Variants in ANOS1 observed in about 807,000 individuals in gnomAD.
ANOS1 encodes the protein anosmin-1.
Under a neutral mutation model 59.0 loss-of-function variants are expected in ANOS1, and 6 were observed. That is an observed-to-expected ratio of 0.10 (90% CI 0.06 to 0.20). The LOEUF is 0.20. Among genes scored for constraint, ANOS1 ranks in the 10% least tolerant of loss-of-function variants. The pLI is 1.00. For synonymous variants in ANOS1, 217 were observed against 223.4 expected, an observed-to-expected ratio of 0.97 and a Z score of 0.25; for missense variants, 433 against 542.3, an observed-to-expected ratio of 0.80 and a Z score of 2.00.
intron 2 of ANOS1, among the ~76,000 whole-genome samples, chrX:8,684,454 A>G (rs1200154467): frequency 1.8e-5 from 2 of 111,466 alleles, no homozygotes; most frequent in Middle Eastern, 4.2e-3. Context: ...GAGTCGGTAC[A>G]CTGTGCTCAC....
chrX:8,565,859 T>A (rs1930102579), intron 8 of ANOS1: 1 of 199,279 alleles, frequency 5.0e-6, no homozygotes, highest in Non-Finnish European at 7.5e-6. Flanking sequence ...GGGGAGGTGC[T>A]AAGTGGGTGG....
rs772817371 is a variant in ANOS1 at position 8,614,239 on chromosome X, G to A, written c.318+9369C>T. 3.6e-5 allele frequency among the ~76,000 whole-genome samples: 4 copies of A among 111,835 alleles called. No individual in the cohort carries two copies. The South Asian group carries it at 1.5e-3, about 42-fold the overall frequency. ...CATTCATTTCCCCTGACATATAAAT[G>A]TATTCCAGTCTTTCCAAGGTAAAAC... On this transcript the variant is annotated intron_variant, in intron 3 of 13. Transcript: ENST00000262648.
intron 2 of ANOS1, among the ~76,000 whole-genome samples, chrX:8,645,911 T>C (rs1295808239): frequency 8.9e-6 from 1 of 112,212 alleles, no homozygotes; most frequent in African/African-American, 3.2e-5. Context: ...CCCAAAGTGC[T>C]GGGATTACAG....
intron 2 of ANOS1, among the ~76,000 whole-genome samples, chrX:8,666,903 A>G (rs5934476): frequency 0.27 from 29,170 of 109,079 alleles, 3,354 homozygotes; most frequent in East Asian, 0.57. Flanking sequence ...GGGCCCAGAC[A>G]ACATCACCCC....
chrX:8,714,350 G>C (rs1228212111), intron 1 of ANOS1, among the ~76,000 whole-genome samples: 2 of 111,758 alleles, frequency 1.8e-5, no homozygotes, highest in Admixed American at 9.5e-5. Flanking sequence ...GCACATTACT[G>C]CCTGGAATCT....
rs369636682 is a variant in ANOS1 at position 8,709,267 on chromosome X, T to TA, written c.208-9523dup. The stretch of plus-strand genomic sequence containing the variant: ...GGTATCCCAGAACTTAAAGTGTAAT[T>TA]AAAAAAAAAAAAAGAAAGAAAAAGC... On this transcript the variant is annotated intron_variant, in intron 1 of 13. Transcript: ENST00000262648. Among the ~76,000 whole-genome samples the TA allele has an allele frequency of 8.7e-4, 85 of 97,721 alleles. No individual in the cohort carries two copies. In the South Asian group the frequency reaches 0.013, roughly 15 times the overall value. 84.9% of individuals were successfully genotyped at this position (97,721 alleles called of 115,157 possible).
At chrX:8,581,314 A>G (rs1037050816) in intron 6 of ANOS1, among the ~76,000 whole-genome samples, 5 of 111,445 alleles carry the variant, frequency 4.5e-5, no homozygotes, top group Admixed American at 9.5e-5. Flanking sequence ...TCTTGCTGCC[A>G]CCATGTAAGA....
At chrX:8,665,354 G>A (rs1003798145) in intron 2 of ANOS1, among the ~76,000 whole-genome samples, 3 of 112,450 alleles carry the variant, frequency 2.7e-5, no homozygotes, top group Non-Finnish European at 5.6e-5. Context: ...TGCCCAGGCT[G>A]ATCTGTCACA....
intron 3 of ANOS1, among the ~76,000 whole-genome samples, chrX:8,606,494 T>G (rs1270291515): frequency 1.8e-5 from 2 of 112,589 alleles, no homozygotes; most frequent in African/African-American, 6.4e-5. Context: ...AATATGGAAT[T>G]GAAAGAGTAA....
At chrX:8,654,136 C>T (rs1359789004) in intron 2 of ANOS1, among the ~76,000 whole-genome samples, 1 of 111,928 alleles carries the variant, frequency 8.9e-6, no homozygotes, top group Non-Finnish European at 1.9e-5. Flanking sequence ...CTAGAGCTGA[C>T]ACTGCCTTCG....
intron 13 of ANOS1, 118 bp from the exon 14 acceptor site, chrX:8,533,171 T>C: frequency 2.0e-6 from 1 of 509,032 alleles, no homozygotes; most frequent in Non-Finnish European, 3.5e-6. Flanking sequence ...CCTATGACCA[T>C]GTCTTTCCTA....
chrX:8,657,518 G>T (rs1302577309), intron 2 of ANOS1, among the ~76,000 whole-genome samples: 1 of 103,904 alleles, frequency 9.6e-6, no homozygotes, highest in Non-Finnish European at 2.0e-5. Flanking sequence ...GCCCAGGCTG[G>T]AGTGCAGTGG....
chrX:8,729,288 C>T (rs1208007216), intron 1 of ANOS1, among the ~76,000 whole-genome samples: 1 of 108,836 alleles, frequency 9.2e-6, no homozygotes, highest in African/African-American at 3.4e-5. Flanking sequence ...GGCTCATTTG[C>T]AGGAGTTGGG....
At position 8,725,510 on chromosome X, in the gene ANOS1, TTATATACAGATATATATA is replaced by T. The variant is rs1363009234; in HGVS notation, c.207+6302_207+6319del. ...AATACACACATGTGGATAAATAATA[TTATATACAGATATATATA>T]TATATACAGATATATATATACAGAT... On this transcript the variant is annotated intron_variant, in intron 1 of 13. Transcript: ENST00000262648. Among the ~76,000 whole-genome samples, 268 of 81,505 alleles carry T rather than the reference TTATATACAGATATATATA, an allele frequency of 3.3e-3. 3 individuals are homozygous for T. The highest frequency in any genetic ancestry group is 0.01 in the African/African-American group (240 of 23,441). The allele number at this position is 81,505 out of a possible 115,157, so 70.8% of individuals were successfully genotyped here.
chrX:8,539,851 G>A, intron 9 of ANOS1, 93 bp from the exon 10 acceptor site: 1 of 1,138,780 alleles, frequency 8.8e-7, no homozygotes, highest in Non-Finnish European at 1.2e-6. Flanking sequence ...GAAAAGGAGA[G>A]GAAATGAAAC....
intron 2 of ANOS1, among the ~76,000 whole-genome samples, chrX:8,643,890 C>T (rs749786749): frequency 9.0e-6 from 1 of 111,584 alleles, no homozygotes; most frequent in South Asian, 3.8e-4. Context: ...TTACCTATAA[C>T]CTAGAAGTGC....
chrX:8,571,053 G>A (rs1305214863), intron 6 of ANOS1, among the ~76,000 whole-genome samples: 4 of 106,386 alleles, frequency 3.8e-5, no homozygotes, highest in Non-Finnish European at 5.8e-5. Context: ...CAAGGCTGCA[G>A]TGAGCCGCGA....
chrX:8,639,089 G>C (rs1485756507), intron 2 of ANOS1, among the ~76,000 whole-genome samples: 1 of 111,584 alleles, frequency 9.0e-6, no homozygotes, highest in East Asian at 2.8e-4. Flanking sequence ...TTTATCAAAT[G>C]ATAAGATTCC....
chrX:8,688,161 T>G (rs181849902), intron 2 of ANOS1, among the ~76,000 whole-genome samples: 1 of 112,110 alleles, frequency 8.9e-6, no homozygotes, highest in Non-Finnish European at 1.9e-5. Context: ...ATTTTGACAG[T>G]GACTGTCACG....
Sources: allele counts gnomAD v4.1 joint callset (sites outside exome capture counted in the v4.1 genomes callset), GRCh38; gene constraint gnomAD v4.1.1; transcripts MANE v1.5; gene names NCBI Gene and HGNC (gene_info 2026-07-23, HGNC 2026-07-21).